The following BCL2L13 variants were observed in gnomAD, a reference collection of about 807,000 sequenced individuals.
The protein encoded by BCL2L13 is bcl-2-like protein 13.
BCL2L13 carries 13 observed loss-of-function variants against 25.8 expected under a neutral mutation model. The observed-to-expected ratio is 0.50, with a 90% CI of 0.33 to 0.80. The LOEUF (loss-of-function observed/expected upper bound fraction) is 0.80. Ranked by LOEUF, BCL2L13 falls within the 30% of genes least tolerant of loss-of-function variation. The probability of loss-of-function intolerance (pLI) is 0.02; values close to 1 mark genes in which losing one functional copy is unlikely to be tolerated. For synonymous variants in BCL2L13, 244 were observed against 230.3 expected (o/e 1.06, Z -0.54); for missense variants, 504 against 574.9 (o/e 0.88, Z 1.26).
At chr22:17,697,733 G>T (rs1044904394) in intron 5 of BCL2L13, among the ~76,000 whole-genome samples, 2 of 151,994 alleles carry the variant, frequency 1.3e-5, no homozygotes, top group Non-Finnish European at 2.9e-5. Context: ...TTACCTATCG[G>T]TACATAATTT....
At chr22:17,680,492 A>G (rs1279448976) in intron 2 of BCL2L13, among the ~76,000 whole-genome samples, 1 of 120,784 alleles carries the variant, frequency 8.3e-6, no homozygotes, top group Non-Finnish European at 1.6e-5. Flanking sequence ...CCAGCCTGGG[A>G]GAGAGCGAGA....
intron 1 of BCL2L13, among the ~76,000 whole-genome samples, chr22:17,654,253 C>T (rs985263485): frequency 6.6e-6 from 1 of 151,794 alleles, no homozygotes; most frequent in Non-Finnish European, 1.5e-5. Flanking sequence ...TATAGGTGTG[C>T]ACCAGATGCC....
At chr22:17,650,788 G>A (rs1451552669) in intron 1 of BCL2L13, among the ~76,000 whole-genome samples, 1 of 151,158 alleles carries the variant, frequency 6.6e-6, no homozygotes, top group Admixed American at 6.6e-5. Context: ...GCTCACTGCA[G>A]CCTCAACTTC....
At chr22:17,632,446 A>G (rs1396510507) in intron 1 of BCL2L13, among the ~76,000 whole-genome samples, 5 of 152,184 alleles carry the variant, frequency 3.3e-5, no homozygotes. Context: ...CATCTTTTGC[A>G]TTAATAGCCT....
chr22:17,653,495 ATTTTTTTTTTT>A (rs34652783), intron 1 of BCL2L13, among the ~76,000 whole-genome samples: 1 of 110,716 alleles, frequency 9.0e-6, no homozygotes, highest in East Asian at 2.6e-4. Context: ...CTCCAGTATG[ATTTTTTTTTTT>A]TTTTTTTTTT....
intron 1 of BCL2L13, among the ~76,000 whole-genome samples, chr22:17,646,951 ATATATTTTTTTTTTTT>A (rs1381434385): frequency 4.6e-5 from 1 of 21,894 alleles, no homozygotes; most frequent in African/African-American, 1.7e-4. Flanking sequence ...ATATATATAT[ATATATTTTTTTTTTTT>A]TTTTTTTTTT....
intron 1 of BCL2L13, among the ~76,000 whole-genome samples, chr22:17,632,182 C>T (rs2058041776): frequency 6.6e-6 from 1 of 152,096 alleles, no homozygotes; most frequent in Admixed American, 6.6e-5. Context: ...ACCCACAGGA[C>T]AATAAACGTT....
At chr22:17,700,135 G>A (rs909434001) in intron 5 of BCL2L13, among the ~76,000 whole-genome samples, 9 of 151,984 alleles carry the variant, frequency 5.9e-5, no homozygotes, top group African/African-American at 9.7e-5. Context: ...TGGTTACTGC[G>A]TTTCAAGAAA....
intron 1 of BCL2L13, among the ~76,000 whole-genome samples, chr22:17,649,734 C>T (rs2058613327): frequency 6.6e-6 from 1 of 151,772 alleles, no homozygotes; most frequent in Non-Finnish European, 1.5e-5. Context: ...AACTCCTGAC[C>T]TTAGGTGATG....
At chr22:17,672,329 T>G (rs1343445201) in intron 2 of BCL2L13, among the ~76,000 whole-genome samples, 1 of 152,204 alleles carries the variant, frequency 6.6e-6, no homozygotes, top group Non-Finnish European at 1.5e-5. Flanking sequence ...TTCGAAAGTA[T>G]TTTGCTCTGG....
intron 2 of BCL2L13, among the ~76,000 whole-genome samples, chr22:17,680,238 C>T (rs1276001882): frequency 9.6e-5 from 6 of 62,534 alleles, no homozygotes; most frequent in Admixed American, 1.9e-4. Flanking sequence ...AAGCTGGGCA[C>T]GGTGGCTCAC....
chr22:17,691,708 T>C (rs989733949), intron 4 of BCL2L13, among the ~76,000 whole-genome samples: 3 of 152,164 alleles, frequency 2.0e-5, no homozygotes, highest in Non-Finnish European at 4.4e-5. Context: ...GAGCAAACCA[T>C]GTCACCCTTA....
intron 1 of BCL2L13, among the ~76,000 whole-genome samples, chr22:17,631,142 G>A (rs2058005500): frequency 6.7e-6 from 1 of 150,288 alleles, no homozygotes; most frequent in African/African-American, 2.4e-5. Flanking sequence ...TGTCGCTCAT[G>A]CTGGAGTGCA....
Position 17,649,871 on chromosome 22 carries a change from C to CTTTT in BCL2L13, c.-50-5776_-50-5773dup, listed in dbSNP as rs71201855. Among the ~76,000 whole-genome samples the CTTTT allele has an allele frequency of 8.6e-4, 81 of 94,352 alleles. 2 individuals are homozygous for CTTTT. Among genetic ancestry groups the CTTTT allele is most frequent in the African/African-American group, 1.1e-3 (29 of 25,320 alleles). The allele number at this position is 94,352 out of a possible 152,430, so 61.9% of individuals were successfully genotyped here. ...TATTCTCCCCTCTTTTTTTTCTTTTCTTTTTTTTTTTTTTTTTTGAGATGG... is the reference window on the plus strand; with the variant it reads ...TATTCTCCCCTCTTTTTTTTCTTTTCTTTTTTTTTTTTTTTTTTTTTTGAGATGG... On this transcript the variant is annotated intron_variant, in intron 1 of 6. Coordinates refer to ENST00000317582, the MANE Select transcript of BCL2L13 (RefSeq NM_015367.4).
At chr22:17,638,981 C>T (rs2058166753) in intron 1 of BCL2L13, 95 bp downstream of exon 1, 3 of 1,022,894 alleles carry the variant, frequency 2.9e-6, no homozygotes, top group African/African-American at 3.3e-5. Context: ...GAGCCACCGA[C>T]TCCCCAGTGG....
intron 2 of BCL2L13, among the ~76,000 whole-genome samples, chr22:17,660,806 T>A (rs1349514020): frequency 6.8e-6 from 1 of 146,310 alleles, no homozygotes; most frequent in Non-Finnish European, 1.6e-5. Context: ...TTGCTTTTCT[T>A]TGAGACAGTC....
intron 6 of BCL2L13, among the ~76,000 whole-genome samples, chr22:17,721,761 G>A (rs1278644133): frequency 6.6e-6 from 1 of 151,888 alleles, no homozygotes; most frequent in Non-Finnish European, 1.5e-5. Flanking sequence ...CCTGACCTCA[G>A]GTGATCCACC....
chr22:17,727,193 G>A lies in BCL2L13; in HGVS notation c.1117G>A (p.Ala373Thr), dbSNP rs2061322047. The stretch of plus-strand genomic sequence containing the variant: ...GATCACAGTTGAGAAATCCAGCCCT[G>A]CTACATCTCTGTTTGTAGAACTTGA... ...EVITVEKSSP[A>T]TSLFVELDEE... Residue 373 changes from alanine to threonine, a missense_variant, in exon 7 of 7, where the codon GCT (alanine) becomes ACT (threonine). By Grantham distance (58) the Ala-to-Thr change is moderately conservative. Transcript: ENST00000317582. The A allele has an allele frequency of 6.2e-7, 1 of 1,614,122 alleles. No individual in the cohort carries two copies. The highest frequency in any genetic ancestry group is 1.3e-5 in the African/African-American group (1 of 74,934).
chr22:17,698,123 T>G (rs1270782102), intron 5 of BCL2L13, among the ~76,000 whole-genome samples: 1 of 151,940 alleles, frequency 6.6e-6, no homozygotes, highest in Non-Finnish European at 1.5e-5. Context: ...GCCTTTTTTT[T>G]TTTCAAGTTG....
Sources: gnomAD v4.1 joint callset for allele counts (sites outside exome capture counted in the v4.1 genomes callset) on GRCh38, gnomAD v4.1.1 for gene constraint, MANE v1.5 for transcripts, NCBI Gene and HGNC (gene_info 2026-07-23, HGNC 2026-07-21) for gene names.